PTPN5: variants seen among roughly 807,000 people sequenced by gnomAD.
PTPN5 encodes the protein protein tyrosine phosphatase non-receptor type 5, also known as tyrosine-protein phosphatase non-receptor type 5.
PTPN5 carries 29 observed loss-of-function variants against 73.9 expected under a neutral mutation model. The observed-to-expected ratio is 0.39, with a 90% CI of 0.29 to 0.54. The LOEUF (loss-of-function observed/expected upper bound fraction) is 0.54. Ranked by LOEUF, PTPN5 falls within the 20% of genes least tolerant of loss-of-function variation. The pLI, the probability that PTPN5 is intolerant of heterozygous loss-of-function variation, is 0.65. For synonymous variants in PTPN5, 267 were observed against 304.7 expected (o/e 0.88, Z 1.29); for missense variants, 652 against 751.4 (o/e 0.87, Z 1.55).
At position 18,742,871 on chromosome 11, in the gene PTPN5, A is replaced by T; in HGVS notation, c.483+121T>A. ...GGCTGGCACACTTGTGCAAAGAGATAGGTATCCCTCCTTGCCCCACCCAGA... is the reference window on the plus strand; with the variant it reads ...GGCTGGCACACTTGTGCAAAGAGATTGGTATCCCTCCTTGCCCCACCCAGA... On this transcript the variant is annotated intron_variant, in intron 6 of 14. Transcript: ENST00000358540. This position sits in a 1 kb window ranked among gnomAD's most constrained non-coding sequence, Gnocchi z 4.1. The T allele has an allele frequency of 1.4e-6, 1 of 732,914 alleles. No homozygotes were observed. The highest frequency in any genetic ancestry group is 2.3e-6 in the Non-Finnish European group (1 of 433,402). The allele number at this position is 732,914 out of a possible 1,614,324, so 45.4% of individuals were successfully genotyped here.
chr11:18,769,132 G>A (rs1440810760), intron 2 of PTPN5, among the ~76,000 whole-genome samples: 3 of 152,214 alleles, frequency 2.0e-5, no homozygotes, highest in South Asian at 2.1e-4. Flanking sequence ...CAAAGCCATC[G>A]TCGCATTCAA....
At chr11:18,752,627 G>T (rs1216694821) in intron 3 of PTPN5, among the ~76,000 whole-genome samples, 1 of 152,248 alleles carries the variant, frequency 6.6e-6, no homozygotes, top group African/African-American at 2.4e-5. Context: ...TAATAAAATG[G>T]TTCTATCTGA....
At chr11:18,737,185 G>A (rs535622850) in intron 9 of PTPN5, among the ~76,000 whole-genome samples, 1 of 152,300 alleles carries the variant, frequency 6.6e-6, no homozygotes, top group African/African-American at 2.4e-5. Context: ...CAGGCTCATC[G>A]AGGCTTGATA....
chr11:18,764,925 G>A (rs1850571053), intron 3 of PTPN5, among the ~76,000 whole-genome samples: 1 of 152,068 alleles, frequency 6.6e-6, no homozygotes. Context: ...TGTTAGCCAG[G>A]ATGGTCTCGA....
At position 18,742,428 on chromosome 11, in the gene PTPN5, G is replaced by C. The variant is rs1461663305; in HGVS notation, c.559C>G (p.Arg187Gly). The change falls in exon 7 of 15, where the codon CGC becomes GGC. Residue 187 changes from arginine (R) to glycine (G), a missense_variant. By Grantham distance (125) the Arg-to-Gly change is moderately radical (BLOSUM62 -2). This residue lies in a region of PTPN5 where 529 missense variants were observed against 573.9 expected (regional missense o/e 0.92). Coordinates refer to ENST00000358540, the MANE Select transcript of PTPN5 (RefSeq NM_006906.2). The surrounding 1 kb of genome is among the most constrained non-coding windows in gnomAD (Gnocchi z 4.1). ...TCTGAGTAGGTGAAGGAGGGCTGGC[G>C]GCTCACTGACTGGCGCCTGTCCTCA... ...PPEDRRQSVSRQPSFTYSEWM... is the reference protein window; with the variant it reads ...PPEDRRQSVSGQPSFTYSEWM... 1 of 1,614,158 alleles carries C rather than the reference G, an allele frequency of 6.2e-7. No homozygotes were observed. Among genetic ancestry groups the C allele is most frequent in the Non-Finnish European group, 8.5e-7 (1 of 1,180,020 alleles).
chr11:18,757,430 C>T (rs960323724), intron 3 of PTPN5, among the ~76,000 whole-genome samples: 1 of 152,216 alleles, frequency 6.6e-6, no homozygotes, highest in African/African-American at 2.4e-5. Flanking sequence ...ATCAGGTATG[C>T]TCCTCCTCAC....
chr11:18,771,871 T>A (rs1850917303), intron 2 of PTPN5, 68 bp downstream of exon 2: 2 of 1,383,748 alleles, frequency 1.4e-6, no homozygotes, highest in Non-Finnish European at 2.0e-6. Context: ...TCCCAGAGCA[T>A]CCAGATGGAG....
At chr11:18,748,356 G>C (rs1849733411) in intron 3 of PTPN5, among the ~76,000 whole-genome samples, 1 of 152,226 alleles carries the variant, frequency 6.6e-6, no homozygotes, top group African/African-American at 2.4e-5. Context: ...AAAACTGTAG[G>C]CTCATAGGGC....
At chr11:18,739,030 G>C (rs1202517432) in intron 8 of PTPN5, among the ~76,000 whole-genome samples, 1 of 150,428 alleles carries the variant, frequency 6.6e-6, no homozygotes, top group Non-Finnish European at 1.5e-5. Flanking sequence ...GACATCTTCC[G>C]GGATGACTCT....
intron 9 of PTPN5, among the ~76,000 whole-genome samples, chr11:18,737,590 G>A (rs1849171054): frequency 6.6e-6 from 1 of 152,194 alleles, no homozygotes; most frequent in South Asian, 2.1e-4. Context: ...TTACCACAGT[G>A]TGGCTAGGAA....
intron 3 of PTPN5, among the ~76,000 whole-genome samples, chr11:18,760,025 C>T (rs1304260333): frequency 1.3e-5 from 2 of 152,122 alleles, no homozygotes; most frequent in Non-Finnish European, 2.9e-5. Context: ...TAGGTCACTT[C>T]TTAGAGGAAG....
chr11:18,729,640 C>A lies in PTPN5; in HGVS notation c.1490+18G>T. 2 of 1,575,738 alleles carry A rather than the reference C, an allele frequency of 1.3e-6. No homozygotes were observed. Among genetic ancestry groups the A allele is most frequent in the African/African-American group, 1.3e-5 (1 of 74,452 alleles). On this transcript the variant is annotated intron_variant, in intron 13 of 14. Transcript: ENST00000358540. The surrounding 1 kb of genome is among the most constrained non-coding windows in gnomAD (Gnocchi z 5.2). ...GTGGGGGGCTGCCCCGCTCCAGTGG[C>A]TGGCTGGGAGGACCCACCTGCAGTG... is the stretch of plus-strand genomic sequence containing the variant.
intron 3 of PTPN5, among the ~76,000 whole-genome samples, chr11:18,748,240 C>G (rs976804563): frequency 6.6e-6 from 1 of 152,194 alleles, no homozygotes; most frequent in African/African-American, 2.4e-5. Context: ...ACCCACCCAG[C>G]AGCAGAACAG....
chr11:18,771,562 C>T (rs1590596048), intron 2 of PTPN5, among the ~76,000 whole-genome samples: 1 of 152,218 alleles, frequency 6.6e-6, no homozygotes, highest in African/African-American at 2.4e-5. Flanking sequence ...TCCTCACCCC[C>T]TCAACCACCT....
Position 18,746,162 on chromosome 11 carries a change from A to AATATATATATATATAT in PTPN5, c.98-1979_98-1964dup, listed in dbSNP as rs773490900. Among the ~76,000 whole-genome samples the AATATATATATATATAT allele has an allele frequency of 3.8e-3, 255 of 67,600 alleles. 4 individuals carry two copies. Among genetic ancestry groups the AATATATATATATATAT allele is most frequent in the Middle Eastern group, 0.013 (1 of 76 alleles). The allele number at this position is 67,600 out of a possible 152,430, so 44.3% of individuals were successfully genotyped here. A position where few individuals can be genotyped will look rare whatever the true frequency, so the allele number is the denominator to read the frequency against. ...ACTTTGAAAAGCTGTTATAAATATA[A>AATATATATATATATAT]ATATATATATATATATATATATATA... On this transcript the variant is annotated intron_variant, in intron 3 of 14. Transcript: ENST00000358540.
At position 18,729,002 on chromosome 11, in the gene PTPN5, G is replaced by A; in HGVS notation, c.1630C>T (p.Gln544Ter). ...ATGACGTGGTGCACAAACTGGTACT[G>A]CTCGCATGTCTGGATCATGCCGCCC... ...DRGGMIQTCE[Q>*]YQFVHHVMSL... is the part of the protein sequence containing the mutation. The change falls in exon 15 of 15, where the codon CAG (glutamine) becomes TAG (stop). Residue 544 changes from glutamine (Q) to a stop codon, truncating the protein, a stop_gained. Coordinates refer to ENST00000358540, the MANE Select transcript of PTPN5 (RefSeq NM_006906.2). LOFTEE classifies it high-confidence loss of function. The surrounding 1 kb of genome is among the most constrained non-coding windows in gnomAD (Gnocchi z 5.2). The A allele has an allele frequency of 1.2e-6, 2 of 1,613,880 alleles. No individual in the cohort carries two copies. The highest frequency in any genetic ancestry group is 1.7e-6 in the Non-Finnish European group (2 of 1,179,954).
chr11:18,743,855 A>T (rs972120465), intron 4 of PTPN5, 151 bp downstream of exon 4: 2 of 865,276 alleles, frequency 2.3e-6, no homozygotes, highest in Non-Finnish European at 3.3e-6. Flanking sequence ...CCTTCCCCTT[A>T]TCCCAGCCTT....
intron 11 of PTPN5, 27 bp from the exon 12 acceptor site, chr11:18,732,729 T>C (rs1407952257): frequency 1.9e-6 from 3 of 1,581,130 alleles, no homozygotes; most frequent in Non-Finnish European, 2.6e-6. Context: ...CAGGCTGCCA[T>C]ACAATCCTGT....
At chr11:18,744,540 A>C (rs151023521) in intron 3 of PTPN5, among the ~76,000 whole-genome samples, 237 of 144,338 alleles carry the variant, frequency 1.6e-3, no homozygotes, top group African/African-American at 3.7e-3. Context: ...ATTAAAAAAG[A>C]AGCAGCAGCA....
Sources: allele counts gnomAD v4.1 joint callset (sites outside exome capture counted in the v4.1 genomes callset), GRCh38; gene constraint gnomAD v4.1.1; regional missense constraint gnomAD v4.1.1; non-coding constraint Gnocchi (gnomAD v3.1); transcripts MANE v1.5; gene names NCBI Gene and HGNC (gene_info 2026-07-23, HGNC 2026-07-21).